The following SLC26A5 variants were observed in gnomAD, a reference collection of about 807,000 sequenced individuals.
The protein encoded by SLC26A5 is solute carrier family 26 member 5.
A neutral mutation model predicts 81.0 loss-of-function variants in SLC26A5; 51 were observed. That is an observed-to-expected ratio of 0.63 (90% CI 0.50 to 0.80). The LOEUF (loss-of-function observed/expected upper bound fraction) is 0.80. SLC26A5 is among the 30% of genes least tolerant of loss of function. The probability of loss-of-function intolerance (pLI) is 0.00; values close to 1 mark genes in which losing one functional copy is unlikely to be tolerated. For synonymous variants in SLC26A5, 325 were observed against 332.8 expected, an observed-to-expected ratio of 0.98 and a Z score of 0.25; for missense variants, 771 against 905.8, an observed-to-expected ratio of 0.85 and a Z score of 1.91.
At chr7:103,364,958 C>CATACATATATATATAT (rs374432802) in intron 19 of SLC26A5, among the ~76,000 whole-genome samples, 4 of 125,502 alleles carry the variant, frequency 3.2e-5, no homozygotes, top group East Asian at 2.5e-4. Context: ...TGTAGACATA[C>CATACATATATATATAT]ATATATATAT....
intron 19 of SLC26A5, chr7:103,362,511 G>C: frequency 7.1e-7 from 1 of 1,414,302 alleles, no homozygotes; most frequent in East Asian, 2.6e-5. Flanking sequence ...TGCGACATTA[G>C]ACATGTAGTT....
At chr7:103,384,562 A>G (rs1822039096) in intron 14 of SLC26A5, among the ~76,000 whole-genome samples, 1 of 152,024 alleles carries the variant, frequency 6.6e-6, no homozygotes, top group South Asian at 2.1e-4. Flanking sequence ...GGTTGCAGTG[A>G]GCTGAGATCA....
chr7:103,356,038 C>T (rs1300842640), intron 19 of SLC26A5, among the ~76,000 whole-genome samples: 1 of 152,142 alleles, frequency 6.6e-6, no homozygotes, highest in East Asian at 1.9e-4. Flanking sequence ...ATGAAAAACT[C>T]CCTTCTCATA....
chr7:103,365,412 A>G (rs1335315623), intron 19 of SLC26A5, among the ~76,000 whole-genome samples: 3 of 152,094 alleles, frequency 2.0e-5, no homozygotes, highest in Non-Finnish European at 4.4e-5. Context: ...CAGGCGGATC[A>G]CCTAAGGTCA....
chr7:103,426,802 C>A (rs1241117058), intron 2 of SLC26A5, among the ~76,000 whole-genome samples: 4 of 152,202 alleles, frequency 2.6e-5, no homozygotes, highest in African/African-American at 7.2e-5. Flanking sequence ...GGAACCAACA[C>A]TAGGAGATCA....
At chr7:103,395,501 G>GTGTATATA (rs1340689211) in intron 9 of SLC26A5, among the ~76,000 whole-genome samples, 176 of 106,656 alleles carry the variant, frequency 1.7e-3, no homozygotes, top group Non-Finnish European at 2.4e-3. Context: ...ATATATGTAT[G>GTGTATATA]TATATATATA....
intron 2 of SLC26A5, among the ~76,000 whole-genome samples, chr7:103,427,851 C>CCTT (rs112389320): frequency 1.4e-5 from 2 of 143,978 alleles, no homozygotes; most frequent in Admixed American, 6.9e-5. Context: ...TCTAGAGATT[C>CCTT]TTTTTTTTTT....
At chr7:103,398,562 C>G (rs1195317441) in intron 8 of SLC26A5, among the ~76,000 whole-genome samples, 1 of 152,100 alleles carries the variant, frequency 6.6e-6, no homozygotes, top group Non-Finnish European at 1.5e-5. Flanking sequence ...AAGGGTACAT[C>G]AAACAGAGGG....
chr7:103,428,558 CTTTT>C (rs10592922), intron 2 of SLC26A5, among the ~76,000 whole-genome samples: 6 of 118,060 alleles, frequency 5.1e-5, no homozygotes, highest in South Asian at 2.8e-4. Flanking sequence ...CCTGCCAGTA[CTTTT>C]TTTTTTTTTT....
In SLC26A5 at chr7:103,439,844, T is replaced by G. The variant is rs1013327370; in HGVS notation, c.-54+3239A>C. On this transcript the variant is annotated intron_variant, in intron 2 of 19. Coordinates refer to ENST00000306312, the MANE Select transcript of SLC26A5 (RefSeq NM_198999.3). Reference sequence around the variant, plus strand: ...GCCACCGCAGTTGGCCTCCTTGCTGTTTTATGAACATGCCAAGCACTTGTC... The same window carrying G: ...GCCACCGCAGTTGGCCTCCTTGCTGGTTTATGAACATGCCAAGCACTTGTC... 8.5e-5 allele frequency among the ~76,000 whole-genome samples: 13 copies of G among 152,162 alleles called. 1 individual carries two copies. The highest frequency in any genetic ancestry group is 3.1e-4 in the African/African-American group (13 of 41,438).
intron 4 of SLC26A5, among the ~76,000 whole-genome samples, chr7:103,417,004 T>C (rs893771838): frequency 1.3e-5 from 2 of 152,142 alleles, no homozygotes; most frequent in Non-Finnish European, 2.9e-5. Flanking sequence ...ACCTTTCCAA[T>C]GCAAATTTGA....
At chr7:103,369,717 G>A (rs1820919627), downstream of SLC26A5, among the ~76,000 whole-genome samples, 1 of 152,068 alleles carries the variant, frequency 6.6e-6, no homozygotes, top group Admixed American at 6.6e-5. Flanking sequence ...ATACATGTGT[G>A]TAGATGCACA....
chr7:103,399,502 C>A (rs1823407813), intron 8 of SLC26A5, among the ~76,000 whole-genome samples: 1 of 152,190 alleles, frequency 6.6e-6, no homozygotes, highest in South Asian at 2.1e-4. Flanking sequence ...TGAGCTACGC[C>A]AGCCAGTTGT....
chr7:103,441,252 T>C (rs1826858670), intron 2 of SLC26A5, among the ~76,000 whole-genome samples: 1 of 152,230 alleles, frequency 6.6e-6, no homozygotes, highest in East Asian at 1.9e-4. Context: ...CAGTCACATA[T>C]ATACACTGTT....
chr7:103,425,830 A>C (rs1407223772), intron 2 of SLC26A5, among the ~76,000 whole-genome samples: 1 of 152,200 alleles, frequency 6.6e-6, no homozygotes, highest in African/African-American at 2.4e-5. Flanking sequence ...GCAGCTTTAA[A>C]TACTGATGCC....
At chr7:103,423,197 G>A (rs767961657) in intron 2 of SLC26A5, among the ~76,000 whole-genome samples, 4 of 152,062 alleles carry the variant, frequency 2.6e-5, no homozygotes, top group Middle Eastern at 6.8e-3. Context: ...ACTTGAACCC[G>A]GGAGGCAGAG....
At chr7:103,393,471 T>A (rs1314938408) in intron 9 of SLC26A5, among the ~76,000 whole-genome samples, 1 of 152,070 alleles carries the variant, frequency 6.6e-6, no homozygotes, top group Non-Finnish European at 1.5e-5. Flanking sequence ...GTCTAAGGGC[T>A]ACCTTAGAGG....
intron 14 of SLC26A5, among the ~76,000 whole-genome samples, chr7:103,387,183 C>T (rs1020310445): frequency 6.6e-6 from 1 of 152,202 alleles, no homozygotes; most frequent in African/African-American, 2.4e-5. Flanking sequence ...ATACGGGCAA[C>T]AGTGTTGGAA....
chr7:103,397,235 T>C (rs1045723575), intron 9 of SLC26A5, among the ~76,000 whole-genome samples: 4 of 151,424 alleles, frequency 2.6e-5, no homozygotes, highest in African/African-American at 9.7e-5. Flanking sequence ...GGAGAAACCC[T>C]GTCTCTACTA....
Sources: allele counts gnomAD v4.1 joint callset (sites outside exome capture counted in the v4.1 genomes callset), GRCh38; gene constraint gnomAD v4.1.1; transcripts MANE v1.5; gene names NCBI Gene and HGNC (gene_info 2026-07-23, HGNC 2026-07-21).